Variants in WNT7B observed in about 807,000 individuals in gnomAD.
WNT7B encodes the protein protein Wnt-7b.
In WNT7B, 19 loss-of-function variants were observed where a neutral mutation model predicts 38.2. The observed-to-expected ratio is 0.50, with a 90% CI of 0.35 to 0.73. The LOEUF is 0.73. Ranked by LOEUF, WNT7B falls within the 30% of genes least tolerant of loss-of-function variation. The pLI, the probability that WNT7B is intolerant of heterozygous loss-of-function variation, is 0.01. For synonymous variants in WNT7B, 243 were observed against 209.3 expected (o/e 1.16, Z -1.39); for missense variants, 423 against 507.9 (o/e 0.83, Z 1.61).
intron 3 of WNT7B, among the ~76,000 whole-genome samples, chr22:45,929,881 TACCCACTC>T (rs1328871892): frequency 3.1e-5 from 4 of 127,270 alleles, no homozygotes; most frequent in South Asian, 2.5e-4. Context: ...TCCAACCATC[TACCCACTC>T]ATCCACTCAT....
intron 2 of WNT7B, among the ~76,000 whole-genome samples, chr22:45,948,496 C>T (rs952554698): frequency 1.3e-5 from 2 of 152,250 alleles, no homozygotes; most frequent in African/African-American, 2.4e-5. Context: ...TGGCCTGTGT[C>T]CCGGCAGCTG....
At chr22:45,952,691 G>A (rs76061606) in intron 1 of WNT7B, among the ~76,000 whole-genome samples, 17,530 of 152,254 alleles carry the variant, frequency 0.12, 2,153 homozygotes, top group African/African-American at 0.32. Context: ...CCCTTGCTGG[G>A]GGGACCCTGA....
At chr22:45,942,570 G>T (rs963334794) in intron 2 of WNT7B, among the ~76,000 whole-genome samples, 1 of 152,248 alleles carries the variant, frequency 6.6e-6, no homozygotes, top group Non-Finnish European at 1.5e-5. Context: ...TGGCCCTGCT[G>T]CAATCCTGAC....
intron 3 of WNT7B, 66 bp downstream of exon 3, chr22:45,931,032 C>T: frequency 6.7e-7 from 1 of 1,490,302 alleles, no homozygotes; most frequent in Non-Finnish European, 8.9e-7. Context: ...GCCTGAGGCT[C>T]CGAGAGGTCA....
chr22:45,961,800 C>T (rs1183930988), intron 1 of WNT7B, among the ~76,000 whole-genome samples: 3 of 152,182 alleles, frequency 2.0e-5, no homozygotes, highest in Admixed American at 6.5e-5. Flanking sequence ...TAAAGAGGTT[C>T]GCTTGCTTGC....
At chr22:45,960,087 C>T (rs1013183465) in intron 1 of WNT7B, among the ~76,000 whole-genome samples, 34 of 152,348 alleles carry the variant, frequency 2.2e-4, no homozygotes, top group Admixed American at 1.8e-3. Flanking sequence ...CATGGACCCA[C>T]GCGCCACCCT....
chr22:45,949,243 G>A (rs1316935976), intron 2 of WNT7B, among the ~76,000 whole-genome samples: 3 of 152,152 alleles, frequency 2.0e-5, no homozygotes, highest in African/African-American at 7.2e-5. Context: ...GTGGCCTCAG[G>A]GGCTGTGCAC....
In WNT7B at chr22:45,957,658, G is replaced by A. The variant is rs1044249957; in HGVS notation, c.72-7512C>T. 3.9e-5 allele frequency among the ~76,000 whole-genome samples: 5 copies of A among 128,038 alleles called. No individual in the cohort carries two copies. The East Asian group carries it at 1.3e-3, about 33-fold the overall frequency. 84.0% of individuals were successfully genotyped at this position (128,038 alleles called of 152,430 possible). On this transcript the variant is annotated intron_variant, in intron 1 of 3. Transcript: ENST00000339464. ...AGATCATGCCACTGCACTCCAGCCT[G>A]CGTGAGGGAGCAAGACTCCGTCTCA...
chr22:45,963,178 G>C (rs908236559), intron 1 of WNT7B, among the ~76,000 whole-genome samples: 1 of 152,172 alleles, frequency 6.6e-6, no homozygotes, highest in African/African-American at 2.4e-5. Flanking sequence ...CCAGAGCCAG[G>C]CCAGCCCCAC....
At chr22:45,972,352 A>C in intron 1 of WNT7B, 1 of 374,126 alleles carries the variant, frequency 2.7e-6, no homozygotes, top group Non-Finnish European at 4.8e-6. Flanking sequence ...GCTGGGCGCT[A>C]GGGGCCGGGT....
intron 2 of WNT7B, chr22:45,935,883 G>A: frequency 2.0e-6 from 2 of 985,368 alleles, no homozygotes; most frequent in Non-Finnish European, 2.4e-6. Context: ...GGGGAAGCTG[G>A]ATGAGGGCAG....
intron 1 of WNT7B, among the ~76,000 whole-genome samples, chr22:45,971,228 C>T (rs1932430572): frequency 7.8e-6 from 1 of 127,518 alleles, no homozygotes; most frequent in Admixed American, 9.0e-5. Context: ...GGACGTGGCC[C>T]GCGTGTAAAG....
At chr22:45,955,235 C>G in intron 1 of WNT7B, among the ~76,000 whole-genome samples, 1 of 152,240 alleles carries the variant, frequency 6.6e-6, no homozygotes, top group East Asian at 1.9e-4. Context: ...CCCTGCCACA[C>G]CCCAGGCCTG....
intron 3 of WNT7B, chr22:45,927,400 G>T (rs1931120322): frequency 6.6e-7 from 1 of 1,526,316 alleles, no homozygotes. Context: ...TCTCACTCTT[G>T]CCCATCAGGG....
Position 45,922,721 on chromosome 22 carries a change from T to A in WNT7B, c.*135A>T. The A allele has an allele frequency of 7.2e-7, 1 of 1,388,460 alleles. No individual in the cohort carries two copies. Among genetic ancestry groups the A allele is most frequent in the Non-Finnish European group, 9.6e-7 (1 of 1,044,430 alleles). 86.0% of individuals were successfully genotyped at this position (1,388,460 alleles called of 1,614,324 possible). On this transcript the variant is annotated 3_prime_UTR_variant, in exon 4 of 4. Transcript: ENST00000339464. ...AGGGCGTGGGCCCCGGCCGGTGCCC[T>A]CCTGCACCTGGAGCTCCCCGCTTCT...
At chr22:45,927,045 G>C (rs780658613) in intron 3 of WNT7B, 12 of 985,450 alleles carry the variant, frequency 1.2e-5, no homozygotes, top group Non-Finnish European at 1.4e-5. Context: ...GTCACCAAGA[G>C]AGGTGCCCTC....
chr22:45,948,768 G>A (rs770357580), intron 2 of WNT7B, among the ~76,000 whole-genome samples: 7 of 150,190 alleles, frequency 4.7e-5, no homozygotes, highest in East Asian at 2.0e-4. Context: ...GAGCAGCCCC[G>A]AGTGACGTGT....
At chr22:45,927,143 G>T (rs943050042) in intron 3 of WNT7B, 1 of 984,434 alleles carries the variant, frequency 1.0e-6, no homozygotes, top group Non-Finnish European at 1.2e-6. Context: ...GCCTCTGTCT[G>T]CCCTGCTGAC....
chr22:45,922,791 TGAG>T lies in WNT7B; in HGVS notation c.*62_*64del, dbSNP rs1410849247. 1 of 1,546,456 alleles carries T rather than the reference TGAG, an allele frequency of 6.5e-7. No homozygotes were observed. Among genetic ancestry groups the T allele is most frequent in the East Asian group, 2.3e-5 (1 of 44,178 alleles). ...GCTGGCAGCACCAAGGCAGGGAAGG[TGAG>T]GAGTGGATGTGCAAAATGCCGCCGG... On this transcript the variant is annotated 3_prime_UTR_variant, in exon 4 of 4. Transcript: ENST00000339464.
Sources: gnomAD v4.1 joint callset for allele counts (sites outside exome capture counted in the v4.1 genomes callset) on GRCh38, gnomAD v4.1.1 for gene constraint, MANE v1.5 for transcripts, NCBI Gene and HGNC (gene_info 2026-07-23, HGNC 2026-07-21) for gene names.